Variants in TRAM2 observed in about 807,000 individuals in gnomAD.
The protein encoded by TRAM2 is translocation associated membrane protein 2.
A neutral mutation model predicts 51.0 loss-of-function variants in TRAM2; 12 were observed. The observed-to-expected ratio is 0.24, with a 90% confidence interval of 0.15 to 0.38. The LOEUF (loss-of-function observed/expected upper bound fraction) is 0.38, where lower values mean the gene tolerates loss of function less well. Ranked by LOEUF, TRAM2 falls within the 10% of genes least tolerant of loss-of-function variation. The pLI is 1.00. For synonymous variants in TRAM2, 175 were observed against 179.4 expected (o/e 0.98, Z 0.20); for missense variants, 361 against 462.0 (o/e 0.78, Z 2.00).
chr6:52,507,527 C>T (rs1581868251), intron 7 of TRAM2, 26 bp downstream of exon 7: 3 of 1,612,798 alleles, frequency 1.9e-6, no homozygotes, highest in Non-Finnish European at 1.7e-6. Context: ...GCAAGGAAAT[C>T]TGGCTGGCTC....
At chr6:52,528,433 T>C (rs896012222) in intron 2 of TRAM2, among the ~76,000 whole-genome samples, 1 of 151,998 alleles carries the variant, frequency 6.6e-6, no homozygotes, top group Non-Finnish European at 1.5e-5. Context: ...GCTTGATAAG[T>C]GATGTCAATC....
At chr6:52,527,611 C>T (rs1411419870) in intron 2 of TRAM2, among the ~76,000 whole-genome samples, 2 of 152,116 alleles carry the variant, frequency 1.3e-5, no homozygotes, top group Non-Finnish European at 1.5e-5. Context: ...CAGGTGCTGG[C>T]CACCGTTCCC....
chr6:52,505,771 A>G (rs1766336446), intron 8 of TRAM2, 29 bp from the exon 9 acceptor site: 17 of 1,581,476 alleles, frequency 1.1e-5, no homozygotes, highest in Non-Finnish European at 1.5e-5. Context: ...GAGGGATGTC[A>G]GTCTTTAGCG....
At chr6:52,505,516 T>TG (rs776513016) in intron 9 of TRAM2, 83 bp downstream of exon 9, 95 of 1,500,684 alleles carry the variant, frequency 6.3e-5, no homozygotes, top group Non-Finnish European at 8.1e-5. Flanking sequence ...CTAAAGGGTC[T>TG]GCTGCCTCCA....
chr6:52,503,256 C>A lies in TRAM2; in HGVS notation c.1054G>T (p.Gly352Ter). 6.2e-7 allele frequency: 1 copy of A among 1,614,062 alleles called. No homozygotes were observed. Among genetic ancestry groups the A allele is most frequent in the Non-Finnish European group, 8.5e-7 (1 of 1,179,962 alleles). ...GTTCCGTTCTCTGCCTTCACCACTC[C>A]ATTTTCATGGTAACCTGGGAAGTGG... The part of the protein sequence containing the change: ...IKRESGYHEN[G>*]VVKAENGTSP... The change falls in exon 11 of 11, where the codon GGA (glycine) becomes TGA (stop). Residue 352 changes from glycine to a stop codon, truncating the protein, a stop_gained. Transcript: ENST00000182527. LOFTEE classifies it high-confidence loss of function.
At chr6:52,543,161 T>G (rs1210078619) in intron 1 of TRAM2, among the ~76,000 whole-genome samples, 1 of 152,158 alleles carries the variant, frequency 6.6e-6, no homozygotes, top group African/African-American at 2.4e-5. Flanking sequence ...AATATATATA[T>G]TCTCATCCTC....
At chr6:52,553,620 C>T (rs778109593) in intron 1 of TRAM2, among the ~76,000 whole-genome samples, 4 of 152,208 alleles carry the variant, frequency 2.6e-5, no homozygotes, top group Non-Finnish European at 5.9e-5. Context: ...CTGAAGCACT[C>T]ACTGCCTGTA....
At chr6:52,509,451 C>A in intron 5 of TRAM2, 77 bp downstream of exon 5, 1 of 1,462,658 alleles carries the variant, frequency 6.8e-7, no homozygotes, top group Non-Finnish European at 9.5e-7. Flanking sequence ...CTGTGGTGTT[C>A]TGGCCACACT....
intron 1 of TRAM2, among the ~76,000 whole-genome samples, chr6:52,540,460 T>C (rs964133056): frequency 6.6e-6 from 1 of 152,164 alleles, no homozygotes; most frequent in African/African-American, 2.4e-5. Flanking sequence ...GAAATTTGGC[T>C]CCAAGCTTTT....
intron 1 of TRAM2, among the ~76,000 whole-genome samples, chr6:52,549,520 A>C (rs1767271761): frequency 6.6e-6 from 1 of 152,260 alleles, no homozygotes; most frequent in Admixed American, 6.5e-5. Flanking sequence ...TTAAACAATT[A>C]AATTTCATCA....
intron 1 of TRAM2, among the ~76,000 whole-genome samples, chr6:52,556,225 C>T (rs543363355): frequency 1.3e-4 from 20 of 151,466 alleles, no homozygotes; most frequent in Admixed American, 7.9e-4. Flanking sequence ...AAGTGGGGCT[C>T]AGAGGTCACC....
intron 5 of TRAM2, 113 bp downstream of exon 5, chr6:52,509,415 T>G: frequency 5.1e-6 from 5 of 976,414 alleles, no homozygotes; most frequent in South Asian, 1.5e-5. Flanking sequence ...GCTCAGGGCA[T>G]GATCTGCTCG....
intron 4 of TRAM2, among the ~76,000 whole-genome samples, chr6:52,514,142 A>G (rs1766499505): frequency 6.6e-6 from 1 of 152,174 alleles, no homozygotes; most frequent in Non-Finnish European, 1.5e-5. Context: ...AGAAAGCAGC[A>G]GACAGTCTCA....
intron 7 of TRAM2, 61 bp downstream of exon 7, chr6:52,507,492 T>C: frequency 6.5e-7 from 1 of 1,540,302 alleles, no homozygotes; most frequent in Non-Finnish European, 9.0e-7. Flanking sequence ...TATGAGTGTG[T>C]GGACAGATGC....
chr6:52,566,737 G>T (rs1460073349), intron 1 of TRAM2, among the ~76,000 whole-genome samples: 1 of 152,166 alleles, frequency 6.6e-6, no homozygotes, highest in African/African-American at 2.4e-5. Flanking sequence ...ACAAAGGACG[G>T]ACTATTCTAT....
chr6:52,533,223 C>A (rs919736245), intron 2 of TRAM2, among the ~76,000 whole-genome samples: 2 of 152,138 alleles, frequency 1.3e-5, no homozygotes, highest in African/African-American at 4.8e-5. Context: ...CTAAGTTACA[C>A]ACTTACAAAT....
intron 4 of TRAM2, 53 bp from the exon 5 acceptor site, chr6:52,509,639 G>A: frequency 1.3e-6 from 2 of 1,581,856 alleles, no homozygotes; most frequent in Non-Finnish European, 1.7e-6. Context: ...GAGACCTGCT[G>A]GGGCCCTGGG....
intron 2 of TRAM2, among the ~76,000 whole-genome samples, chr6:52,532,929 G>A (rs1766916807): frequency 6.6e-6 from 1 of 152,042 alleles, no homozygotes; most frequent in Non-Finnish European, 1.5e-5. Flanking sequence ...TTTTCTCTAA[G>A]AGTTATATAT....
chr6:52,514,440 T>C lies in TRAM2; in HGVS notation c.411+1566A>G, dbSNP rs549985949. On this transcript the variant is annotated intron_variant, in intron 4 of 10. Transcript: ENST00000182527. Reference sequence around the variant, plus strand: ...TCCGTGGTCCCCTGGTCTCTGTGCCTATTGAATATGTTGAGTGGGGAACTG... The same window carrying C: ...TCCGTGGTCCCCTGGTCTCTGTGCCCATTGAATATGTTGAGTGGGGAACTG... Among the ~76,000 whole-genome samples the C allele has an allele frequency of 2.0e-4, 30 of 152,270 alleles. 1 individual carries two copies. The South Asian group carries it at 6.0e-3, about 31-fold the overall frequency.
Sources: gnomAD v4.1 joint callset for allele counts (sites outside exome capture counted in the v4.1 genomes callset) on GRCh38, gnomAD v4.1.1 for gene constraint, MANE v1.5 for transcripts, NCBI Gene and HGNC (gene_info 2026-07-23, HGNC 2026-07-21) for gene names.